Variants in LDB2 observed in about 807,000 individuals in gnomAD.
LDB2 encodes the protein LIM domain-binding protein 2.
A neutral mutation model predicts 44.3 loss-of-function variants in LDB2; 12 were observed. The observed-to-expected ratio is 0.27, with a 90% CI of 0.17 to 0.44. The LOEUF (loss-of-function observed/expected upper bound fraction) is 0.44. Ranked by LOEUF, LDB2 falls within the 20% of genes least tolerant of loss-of-function variation. The probability of loss-of-function intolerance (pLI) is 1.00; values close to 1 mark genes in which losing one functional copy is unlikely to be tolerated. For synonymous variants in LDB2, 164 were observed against 174.8 expected (o/e 0.94, Z 0.49); for missense variants, 344 against 473.5 (o/e 0.73, Z 2.54).
At chr4:16,608,393 C>G (rs1451944159) in intron 2 of LDB2, among the ~76,000 whole-genome samples, 1 of 152,130 alleles carries the variant, frequency 6.6e-6, no homozygotes, top group African/African-American at 2.4e-5. Context: ...AACAACCGTT[C>G]CAACAGAGAA....
intron 1 of LDB2, among the ~76,000 whole-genome samples, chr4:16,868,923 C>T (rs910991512): frequency 2.0e-5 from 3 of 151,814 alleles, no homozygotes; most frequent in Admixed American, 1.3e-4. Context: ...AAGAGGAAGA[C>T]GTTACTGGTG....
At chr4:16,733,124 TAA>T (rs1761106968) in intron 2 of LDB2, among the ~76,000 whole-genome samples, 1 of 152,198 alleles carries the variant, frequency 6.6e-6, no homozygotes, top group Non-Finnish European at 1.5e-5. Context: ...TTACTTAGGC[TAA>T]GTGTTCAGAT....
At chr4:16,559,675 A>C (rs1362477204) in intron 5 of LDB2, among the ~76,000 whole-genome samples, 1 of 152,222 alleles carries the variant, frequency 6.6e-6, no homozygotes, top group Non-Finnish European at 1.5e-5. Flanking sequence ...AAAGTCAACA[A>C]GGATACCCAG....
chr4:16,802,417 T>C (rs1388645109), intron 1 of LDB2, among the ~76,000 whole-genome samples: 2 of 152,068 alleles, frequency 1.3e-5, no homozygotes, highest in African/African-American at 4.8e-5. Context: ...TGTGGGTGTG[T>C]TCCTTCCTGG....
intron 1 of LDB2, among the ~76,000 whole-genome samples, chr4:16,834,798 G>T (rs1442935490): frequency 2.0e-5 from 3 of 151,380 alleles, no homozygotes; most frequent in African/African-American, 4.9e-5. Context: ...CTGCACTCCA[G>T]CCTGGGTGAC....
At chr4:16,563,046 T>C (rs577208573) in intron 5 of LDB2, among the ~76,000 whole-genome samples, 34 of 150,328 alleles carry the variant, frequency 2.3e-4, no homozygotes, top group African/African-American at 7.6e-4. Context: ...AAGGGGAACA[T>C]CACACTCTGG....
At chr4:16,725,791 C>A (rs1344996425) in intron 2 of LDB2, among the ~76,000 whole-genome samples, 1 of 151,908 alleles carries the variant, frequency 6.6e-6, no homozygotes, top group Non-Finnish European at 1.5e-5. Flanking sequence ...GTGACAGTGG[C>A]TGACTCCCTT....
At chr4:16,607,396 C>T (rs1461849926) in intron 2 of LDB2, among the ~76,000 whole-genome samples, 1 of 152,230 alleles carries the variant, frequency 6.6e-6, no homozygotes, top group Admixed American at 6.5e-5. Context: ...CTCTCATTCT[C>T]TCCTTTGTAT....
At chr4:16,767,684 C>G (rs757332284) in intron 1 of LDB2, among the ~76,000 whole-genome samples, 86 of 152,230 alleles carry the variant, frequency 5.6e-4, no homozygotes, top group Non-Finnish European at 1.1e-3. Context: ...GAAATTAACT[C>G]AGCCTGAACA....
chr4:16,880,462 T>A (rs566792094), intron 1 of LDB2, among the ~76,000 whole-genome samples: 32 of 152,300 alleles, frequency 2.1e-4, no homozygotes, highest in Middle Eastern at 3.4e-3. Flanking sequence ...CACGTTTTTC[T>A]AGTTTGCATA....
chr4:16,581,171 G>A (rs1390348623), intron 5 of LDB2, among the ~76,000 whole-genome samples: 1 of 152,170 alleles, frequency 6.6e-6, no homozygotes. Flanking sequence ...CCAGAAAAGA[G>A]GACCAGAAGC....
chr4:16,805,243 A>G (rs1291562771), intron 1 of LDB2, among the ~76,000 whole-genome samples: 1 of 152,222 alleles, frequency 6.6e-6, no homozygotes, highest in Non-Finnish European at 1.5e-5. Flanking sequence ...GGATTGGGAC[A>G]TCAACCTATG....
intron 2 of LDB2, among the ~76,000 whole-genome samples, chr4:16,652,866 G>C (rs955657458): frequency 6.6e-6 from 1 of 152,146 alleles, no homozygotes; most frequent in Non-Finnish European, 1.5e-5. Context: ...GTCGTGAAGG[G>C]AACACTCAGG....
intron 2 of LDB2, among the ~76,000 whole-genome samples, chr4:16,626,251 C>T (rs1433669963): frequency 1.3e-5 from 2 of 152,214 alleles, no homozygotes; most frequent in African/African-American, 4.8e-5. Context: ...CAAACCACCT[C>T]ATTTTAATCA....
intron 2 of LDB2, among the ~76,000 whole-genome samples, chr4:16,636,774 C>A (rs1309078771): frequency 6.6e-6 from 1 of 151,958 alleles, no homozygotes; most frequent in Non-Finnish European, 1.5e-5. Context: ...AATTTATCTG[C>A]CAGCAAAAAC....
At chr4:16,855,084 G>C (rs1201620678) in intron 1 of LDB2, among the ~76,000 whole-genome samples, 1 of 152,042 alleles carries the variant, frequency 6.6e-6, no homozygotes, top group African/African-American at 2.4e-5. Flanking sequence ...CTCAACCTCA[G>C]TATTATCTAA....
At chr4:16,847,871 C>T (rs2110159314) in intron 1 of LDB2, among the ~76,000 whole-genome samples, 1 of 152,248 alleles carries the variant, frequency 6.6e-6, no homozygotes, top group East Asian at 1.9e-4. Context: ...CCGCCTTGGC[C>T]TCCCAGAGTG....
chr4:16,527,023 TAAAC>T (rs1397874979), intron 5 of LDB2, among the ~76,000 whole-genome samples: 8 of 152,362 alleles, frequency 5.3e-5, no homozygotes, highest in South Asian at 4.1e-4. Flanking sequence ...TTTCAGATAA[TAAAC>T]AATAACTTAT....
At chr4:16,603,119 A>T (rs1192755369) in intron 2 of LDB2, among the ~76,000 whole-genome samples, 1 of 152,210 alleles carries the variant, frequency 6.6e-6, no homozygotes, top group South Asian at 2.1e-4. Flanking sequence ...TCATGGTGAC[A>T]AAACTCTTTC....
Sources: gnomAD v4.1 joint callset for allele counts (sites outside exome capture counted in the v4.1 genomes callset) on GRCh38, gnomAD v4.1.1 for gene constraint, MANE v1.5 for transcripts, NCBI Gene and HGNC (gene_info 2026-07-23, HGNC 2026-07-21) for gene names.